Variants in APOBEC1 observed in about 807,000 individuals in gnomAD.
APOBEC1 encodes apolipoprotein B mRNA editing enzyme catalytic subunit 1, also known as C->U-editing enzyme APOBEC-1.
A neutral mutation model predicts 26.3 loss-of-function variants in APOBEC1; 22 were observed. That is an observed-to-expected ratio of 0.84 (90% confidence interval 0.60 to 1.19). APOBEC1 has a LOEUF of 1.19. Ranked by LOEUF, APOBEC1 falls within the 50% of genes most tolerant of loss-of-function variation. The pLI, the probability that APOBEC1 is intolerant of heterozygous loss-of-function variation, is 0.00. For missense variants in APOBEC1, 253 were observed against 289.0 expected, an observed-to-expected ratio of 0.88 and a Z score of 0.90; for synonymous variants, 77 against 95.3, an observed-to-expected ratio of 0.81 and a Z score of 1.12.
chr12:7,649,488 C>G lies in APOBEC1; in HGVS notation c.*59G>C, dbSNP rs770550800. On this transcript the variant is annotated 3_prime_UTR_variant, in exon 5 of 5. Transcript: ENST00000229304. Reference sequence around the variant, plus strand: ...ATTTCTAGATTCTAAATGGCATTCACTCTTTAGTGGGTCATCATTGCTTGT... The same window carrying G: ...ATTTCTAGATTCTAAATGGCATTCAGTCTTTAGTGGGTCATCATTGCTTGT... 1 of 1,566,936 alleles carries G rather than the reference C, an allele frequency of 6.4e-7. No homozygotes were observed. Among genetic ancestry groups the G allele is most frequent in the African/African-American group, 1.4e-5 (1 of 73,648 alleles).
At chr12:7,657,043 C>CGTGTGT (rs6144603) in intron 1 of APOBEC1, among the ~76,000 whole-genome samples, 3,772 of 148,692 alleles carry the variant, frequency 0.025, 105 homozygotes, top group Admixed American at 0.067. Context: ...GTTGTATATA[C>CGTGTGT]GTGTGTGTGT....
upstream of APOBEC1, among the ~76,000 whole-genome samples, chr12:7,666,980 C>A (rs935176754): frequency 6.6e-6 from 1 of 150,646 alleles, no homozygotes; most frequent in Non-Finnish European, 1.5e-5. Flanking sequence ...GGCGCGATCT[C>A]GGCTCACTGC....
chr12:7,660,547 C>A (rs1361306395), intron 1 of APOBEC1, among the ~76,000 whole-genome samples: 1 of 149,464 alleles, frequency 6.7e-6, no homozygotes, highest in Non-Finnish European at 1.5e-5. Flanking sequence ...CTAATAAATA[C>A]AAAAAATTAG....
At chr12:7,665,755 A>G in intron 1 of APOBEC1, 102 bp downstream of exon 1, 1 of 114,398 alleles carries the variant, frequency 8.7e-6, no homozygotes, top group Non-Finnish European at 2.0e-5. Flanking sequence ...TCAGCAGGAC[A>G]CACACACACA....
upstream of APOBEC1, among the ~76,000 whole-genome samples, chr12:7,666,768 A>G (rs1863897932): frequency 6.6e-6 from 1 of 152,120 alleles, no homozygotes; most frequent in Non-Finnish European, 1.5e-5. Flanking sequence ...TCTGTCCTAC[A>G]TCCGTGTTGG....
intron 1 of APOBEC1, among the ~76,000 whole-genome samples, chr12:7,662,620 G>C (rs1029642634): frequency 3.9e-5 from 6 of 152,124 alleles, no homozygotes; most frequent in Admixed American, 3.3e-4. Flanking sequence ...ACTGGAAGGA[G>C]ACAAAAGGTG....
chr12:7,669,038 C>T (rs1224316959), upstream of APOBEC1, among the ~76,000 whole-genome samples: 1 of 151,932 alleles, frequency 6.6e-6, no homozygotes, highest in Non-Finnish European at 1.5e-5. Context: ...GGCCAGCACC[C>T]CCCAATTCTG....
At chr12:7,668,920 T>C (rs994585008), upstream of APOBEC1, among the ~76,000 whole-genome samples, 2 of 152,022 alleles carry the variant, frequency 1.3e-5, no homozygotes, top group African/African-American at 2.4e-5. Context: ...TTAGTAGAGA[T>C]GAGGTTTCAC....
At chr12:7,661,516 GATAGATAGATAT>G (rs1863820329) in intron 1 of APOBEC1, among the ~76,000 whole-genome samples, 1 of 68,576 alleles carries the variant, frequency 1.5e-5, no homozygotes, top group Non-Finnish European at 3.2e-5. Context: ...TAGATAGATA[GATAGATAGATAT>G]CTCTTTATAA....
chr12:7,657,851 G>C (rs1320454735), intron 1 of APOBEC1, among the ~76,000 whole-genome samples: 2 of 151,842 alleles, frequency 1.3e-5, no homozygotes, highest in African/African-American at 2.4e-5. Context: ...ACTCCAGCAG[G>C]GGCAAGAGAG....
At chr12:7,662,096 A>AAAACC (rs59095645) in intron 1 of APOBEC1, among the ~76,000 whole-genome samples, 1 of 151,312 alleles carries the variant, frequency 6.6e-6, no homozygotes, top group African/African-American at 2.4e-5. Flanking sequence ...AAAACAAAAC[A>AAAACC]AAACCAAACC....
At chr12:7,664,068 T>A (rs1175092721) in intron 1 of APOBEC1, among the ~76,000 whole-genome samples, 5 of 152,064 alleles carry the variant, frequency 3.3e-5, no homozygotes, top group African/African-American at 1.2e-4. Context: ...TTGGTCAGGC[T>A]GGTCTCAAAC....
intron 1 of APOBEC1, among the ~76,000 whole-genome samples, chr12:7,661,127 A>G (rs965628029): frequency 1.3e-5 from 2 of 150,012 alleles, no homozygotes; most frequent in African/African-American, 4.9e-5. Context: ...AATGGCGTGA[A>G]CCCGGGAGGC....
intron 2 of APOBEC1, 25 bp from the exon 3 acceptor site, chr12:7,652,860 C>G (rs1487367295): frequency 1.3e-6 from 2 of 1,547,364 alleles, no homozygotes; most frequent in African/African-American, 2.8e-5. Flanking sequence ...GCAGCCCACA[C>G]TGTCATGCCA....
chr12:7,656,899 T>C (rs67132228), intron 1 of APOBEC1, among the ~76,000 whole-genome samples: 63,435 of 152,012 alleles, frequency 0.42, 13,567 homozygotes, highest in Middle Eastern at 0.51. Flanking sequence ...AATGTCAACT[T>C]GGGAATTTTG....
At chr12:7,658,455 G>A (rs764996248) in intron 1 of APOBEC1, among the ~76,000 whole-genome samples, 2 of 152,128 alleles carry the variant, frequency 1.3e-5, no homozygotes, top group Non-Finnish European at 2.9e-5. Context: ...CTCAGGCTGC[G>A]TTTTGAGAAA....
At chr12:7,665,026 G>A (rs1021162123) in intron 1 of APOBEC1, among the ~76,000 whole-genome samples, 1 of 152,088 alleles carries the variant, frequency 6.6e-6, no homozygotes, top group East Asian at 1.9e-4. Context: ...GCGAAGTAGT[G>A]AACCCACCCG....
intron 1 of APOBEC1, among the ~76,000 whole-genome samples, chr12:7,655,929 A>G (rs1469721890): frequency 2.0e-5 from 3 of 152,156 alleles, no homozygotes; most frequent in African/African-American, 7.2e-5. Flanking sequence ...ACTGTGAGCT[A>G]TGATTATGTC....
intron 1 of APOBEC1, among the ~76,000 whole-genome samples, chr12:7,660,375 G>GGAAGGAAGGACAGAAA (rs61183510): frequency 3.3e-4 from 8 of 23,970 alleles, no homozygotes; most frequent in African/African-American, 5.0e-4. Context: ...AAGGAAGGAA[G>GGAAGGAAGGACAGAAA]GAAAGAAAGA....
Sources: allele counts gnomAD v4.1 joint callset (sites outside exome capture counted in the v4.1 genomes callset), GRCh38; gene constraint gnomAD v4.1.1; transcripts MANE v1.5; gene names NCBI Gene and HGNC (gene_info 2026-07-23, HGNC 2026-07-21).